HEG1: variants seen among roughly 807,000 people sequenced by gnomAD.
HEG1 encodes heart development protein with EGF like domains 1.
HEG1 carries 56 observed loss-of-function variants against 125.6 expected under a neutral mutation model. The ratio of observed to expected loss-of-function variants is 0.45; its 90% CI spans 0.36 to 0.56. HEG1 has a LOEUF of 0.56. Ranked by LOEUF, HEG1 falls within the 20% of genes least tolerant of loss-of-function variation. The pLI, the probability that HEG1 is intolerant of heterozygous loss-of-function variation, is 0.00. For missense variants in HEG1, 1,523 were observed against 1,670.0 expected, an observed-to-expected ratio of 0.91 and a Z score of 1.53; for synonymous variants, 644 against 668.5, an observed-to-expected ratio of 0.96 and a Z score of 0.57.
At position 124,973,083 on chromosome 3, in the gene HEG1, G is replaced by A. The variant is rs890796376; in HGVS notation, c.3996+648C>T. On this transcript the variant is annotated intron_variant, in intron 16 of 16. Transcript: ENST00000311127. ...GTTGCCCAGGCTGGAGTACAGTGGTGCAATCTTGGCTCACTGCAACCTCTG... is the reference window on the plus strand; with the variant it reads ...GTTGCCCAGGCTGGAGTACAGTGGTACAATCTTGGCTCACTGCAACCTCTG... Among the ~76,000 whole-genome samples the A allele has an allele frequency of 4.6e-5, 7 of 151,808 alleles. No individual in the cohort carries two copies. In the South Asian group the frequency reaches 1.5e-3, roughly 32 times the overall value.
chr3:125,033,666 C>CAAAGGGTAAACTTTATGGCATGT (rs1459660704), intron 1 of HEG1, among the ~76,000 whole-genome samples: 1 of 152,170 alleles, frequency 6.6e-6, no homozygotes, highest in East Asian at 1.9e-4. Flanking sequence ...TGTATACTTT[C>CAAAGGGTAAACTTTATGGCATGT]AAAGGGTAAA....
intron 15 of HEG1, among the ~76,000 whole-genome samples, 155 bp downstream of exon 15, chr3:124,977,704 C>T (rs772569042): frequency 3.3e-5 from 5 of 152,182 alleles, no homozygotes; most frequent in South Asian, 2.1e-4. Context: ...CACCAACTAT[C>T]GTGAATTCCC....
Position 124,977,068 on chromosome 3 carries a change from C to CATGACAGTAA in HEG1, c.3821+790_3821+791insTTACTGTCAT, listed in dbSNP as rs1553775348. Among the ~76,000 whole-genome samples the CATGACAGTAA allele has an allele frequency of 2.0e-5, 3 of 151,574 alleles. No homozygotes were observed. The South Asian group carries it at 6.2e-4, about 32-fold the overall frequency. On this transcript the variant is annotated intron_variant, in intron 15 of 16. Coordinates refer to ENST00000311127, the MANE Select transcript of HEG1 (RefSeq NM_020733.2). ...GGGTGGGTCTTTCCCATGCTGTTCT[C>CATGACAGTAA]ATGATAGTAAATGAGTCTCATGAGA...
At chr3:124,974,223 G>A (rs994595592) in intron 15 of HEG1, among the ~76,000 whole-genome samples, 12 of 152,126 alleles carry the variant, frequency 7.9e-5, no homozygotes, top group African/African-American at 2.4e-4. Context: ...TGTCTTGGGG[G>A]TGGCCAGGAA....
intron 5 of HEG1, chr3:125,014,856 G>C: frequency 7.8e-7 from 1 of 1,289,880 alleles, no homozygotes; most frequent in Middle Eastern, 2.1e-4. Context: ...GCTCATGCTG[G>C]TGTTGGTGAG....
At chr3:125,031,078 G>T (rs1162795217) in intron 1 of HEG1, among the ~76,000 whole-genome samples, 1 of 152,198 alleles carries the variant, frequency 6.6e-6, no homozygotes, top group Non-Finnish European at 1.5e-5. Context: ...TGAAGTTAAA[G>T]TTGGGGGTTA....
intron 15 of HEG1, among the ~76,000 whole-genome samples, chr3:124,976,945 C>T (rs984324286): frequency 2.0e-5 from 3 of 152,148 alleles, no homozygotes; most frequent in Admixed American, 2.0e-4. Context: ...TCTTTAGAAA[C>T]TACCCATTGA....
chr3:124,984,214 G>A (rs935216844), intron 14 of HEG1, among the ~76,000 whole-genome samples: 2 of 152,138 alleles, frequency 1.3e-5, no homozygotes, highest in African/African-American at 2.4e-5. Context: ...ATATTTAAGC[G>A]GAATGTCTGG....
intron 6 of HEG1, among the ~76,000 whole-genome samples, chr3:125,011,195 G>C (rs1263076730): frequency 1.3e-5 from 2 of 151,602 alleles, no homozygotes; most frequent in African/African-American, 4.9e-5. Context: ...TCTGCAAAAA[G>C]GAAATCAGTG....
chr3:124,968,245 C>T lies in HEG1; in HGVS notation c.*2407G>A, dbSNP rs140354066. ...GGCGGGACCCTTCTGCAGCTAGGAA[C>T]CCCGTGCAGGAGTGCAGCTGGCCTC... is the stretch of plus-strand genomic sequence containing the variant. On this transcript the variant is annotated 3_prime_UTR_variant, in exon 17 of 17. Transcript: ENST00000311127. The T allele has an allele frequency of 9.1e-4, 139 of 152,492 alleles. No homozygotes were observed. Among genetic ancestry groups the T allele is most frequent in the Admixed American group, 2.8e-3 (43 of 15,296 alleles). The allele number at this position is 152,492 out of a possible 1,614,324, so 9.4% of individuals were successfully genotyped here. A position where few individuals can be genotyped will look rare whatever the true frequency, so the allele number is the denominator to read the frequency against.
At chr3:125,036,209 CAAAA>C (rs10658772) in intron 1 of HEG1, among the ~76,000 whole-genome samples, 2 of 70,558 alleles carry the variant, frequency 2.8e-5, no homozygotes, top group Admixed American at 2.1e-4. Flanking sequence ...GACCCTGTCT[CAAAA>C]AAAAAAAAAA....
At chr3:124,987,017 G>T (rs1337957453) in intron 14 of HEG1, among the ~76,000 whole-genome samples, 1 of 152,018 alleles carries the variant, frequency 6.6e-6, no homozygotes. Context: ...TCTTCCATTC[G>T]CTGAGAAACA....
intron 14 of HEG1, among the ~76,000 whole-genome samples, chr3:124,989,545 G>A (rs1936795260): frequency 6.6e-6 from 1 of 152,134 alleles, no homozygotes; most frequent in African/African-American, 2.4e-5. Context: ...TCTAATGTAT[G>A]AATATAAGAA....
chr3:125,036,832 T>C (rs74762059), intron 1 of HEG1, among the ~76,000 whole-genome samples: 2,403 of 152,358 alleles, frequency 0.016, 51 homozygotes, highest in African/African-American at 0.055. Flanking sequence ...TCACAGGTAC[T>C]TTCATACGAT....
At chr3:125,034,680 G>A (rs1937535662) in intron 1 of HEG1, among the ~76,000 whole-genome samples, 1 of 152,020 alleles carries the variant, frequency 6.6e-6, no homozygotes, top group South Asian at 2.1e-4. Context: ...CATACCGGTG[G>A]TCCCAGCTAC....
intron 12 of HEG1, among the ~76,000 whole-genome samples, chr3:124,996,470 T>A (rs72980417): frequency 0.034 from 5,133 of 152,216 alleles, 266 homozygotes; most frequent in African/African-American, 0.11. Flanking sequence ...TTTGTAGCAA[T>A]GTGGCAGTCT....
At chr3:124,974,000 A>G in intron 15 of HEG1, 95 bp from the exon 16 acceptor site, 1 of 807,556 alleles carries the variant, frequency 1.2e-6, no homozygotes, top group Non-Finnish European at 1.9e-6. Context: ...ATTCAACTGA[A>G]AGCTACCATT....
chr3:124,970,316 G>A lies in HEG1; in HGVS notation c.*336C>T, dbSNP rs952839024. 2 of 206,092 alleles carry A rather than the reference G, an allele frequency of 9.7e-6. No individual in the cohort carries two copies. Among genetic ancestry groups the A allele is most frequent in the African/African-American group, 2.3e-5 (1 of 43,538 alleles). The allele number at this position is 206,092 out of a possible 1,614,324, so 12.8% of individuals were successfully genotyped here. A position where few individuals can be genotyped will look rare whatever the true frequency, so the allele number is the denominator to read the frequency against. ...CCACCCAATTTACTAAAGTGCAAAC[G>A]AAGGGAAAACCAGGTCCCTGCACTG... is the stretch of plus-strand genomic sequence containing the variant. On this transcript the variant is annotated 3_prime_UTR_variant, in exon 17 of 17. Transcript: ENST00000311127.
At chr3:125,000,132 T>A (rs372701385) in intron 11 of HEG1, among the ~76,000 whole-genome samples, 259 of 152,356 alleles carry the variant, frequency 1.7e-3, no homozygotes, top group Non-Finnish European at 3.0e-3. Flanking sequence ...GCCTGTTTTT[T>A]TCAGCTAATA....
Sources: allele counts gnomAD v4.1 joint callset (sites outside exome capture counted in the v4.1 genomes callset), GRCh38; gene constraint gnomAD v4.1.1; transcripts MANE v1.5; gene names NCBI Gene and HGNC (gene_info 2026-07-23, HGNC 2026-07-21).